The following FBN2 variants were observed in gnomAD, a reference collection of about 807,000 sequenced individuals.
The protein encoded by FBN2 is fibrillin-2.
Under a neutral mutation model 355.6 loss-of-function variants are expected in FBN2, and 105 were observed. That is an observed-to-expected ratio of 0.30 (90% confidence interval 0.25 to 0.35). FBN2 has a LOEUF of 0.35. Among genes scored for constraint, FBN2 ranks in the 10% least tolerant of loss-of-function variants. FBN2 has a pLI of 1.00. For missense variants in FBN2, 3,280 were observed against 3,758.7 expected, an observed-to-expected ratio of 0.87 and a Z score of 3.33; for synonymous variants, 1,350 against 1,301.2, an observed-to-expected ratio of 1.04 and a Z score of -0.81.
At chr5:128,276,988 A>G (rs1339774844) in intron 58 of FBN2, among the ~76,000 whole-genome samples, 1 of 152,128 alleles carries the variant, frequency 6.6e-6, no homozygotes, top group Non-Finnish European at 1.5e-5. Context: ...GATAGCAGAC[A>G]ATCTCCATTT....
chr5:128,277,962 A>T lies in FBN2; in HGVS notation c.7389T>A (p.Gly2463=), dbSNP rs749843181. Residue 2463 remains glycine, a synonymous_variant, in exon 58 of 65, where the codon GGT becomes GGA. Transcript: ENST00000262464. ...ATGAGCCCATGGTATTGATGCACTG[A>T]CCATTGGTGCAGAGGTTTGGCATTA... The part of the protein sequence containing the change: ...CKVMPNLCTN[G]QCINTMGSFR... The T allele has an allele frequency of 2.5e-6, 4 of 1,613,806 alleles. No homozygotes were observed. The African/African-American group carries it at 5.3e-5, about 22-fold the overall frequency.
chr5:128,490,642 A>G (rs746255821), intron 5 of FBN2, among the ~76,000 whole-genome samples: 3 of 152,216 alleles, frequency 2.0e-5, no homozygotes, highest in Non-Finnish European at 4.4e-5. Flanking sequence ...AATTCTATCC[A>G]TTTACCTCCA....
chr5:128,318,986 G>A lies in FBN2; in HGVS notation c.4487C>T (p.Ser1496Phe). Residue 1496 changes from serine to phenylalanine, a missense_variant, in exon 35 of 65, where the codon TCC (serine) becomes TTC (phenylalanine). Around this residue, in one of 6 missense-constraint regions of FBN2, gnomAD observed 2,284 missense variants for 2,749.5 expected, o/e 0.83. Transcript: ENST00000262464. Reference sequence around the variant, plus strand: ...TCCAAAGACACAAATGTTTTGGAAGGAGCATTCATCAATATCTGAAGATTT... The same window carrying A: ...TCCAAAGACACAAATGTTTTGGAAGAAGCATTCATCAATATCTGAAGATTT... ...SRSCQDIDEC[S>F]FQNICVFGTC... 1.2e-6 allele frequency: 2 copies of A among 1,608,564 alleles called. No homozygotes were observed. Among genetic ancestry groups the A allele is most frequent in the Non-Finnish European group, 8.5e-7 (1 of 1,175,162 alleles).
chr5:128,442,331 C>A (rs576412812), intron 7 of FBN2: 1 of 456,520 alleles, frequency 2.2e-6, no homozygotes, highest in Non-Finnish European at 4.4e-6. Flanking sequence ...GGGAGGATCA[C>A]GCAAGGACAT....
At chr5:128,342,875 T>C (rs974327045) in intron 25 of FBN2, among the ~76,000 whole-genome samples, 3 of 151,956 alleles carry the variant, frequency 2.0e-5, no homozygotes, top group Non-Finnish European at 4.4e-5. Context: ...ATTACAGGCA[T>C]GTACCACCAT....
At chr5:128,431,899 G>A (rs572245984) in intron 7 of FBN2, among the ~76,000 whole-genome samples, 45 of 152,250 alleles carry the variant, frequency 3.0e-4, no homozygotes, top group Non-Finnish European at 4.6e-4. Context: ...AGAATGGCAC[G>A]CATTAAAACA....
chr5:128,377,322 G>A (rs1459142279), intron 13 of FBN2, among the ~76,000 whole-genome samples: 2 of 152,068 alleles, frequency 1.3e-5, no homozygotes, highest in Non-Finnish European at 2.9e-5. Flanking sequence ...TTAGAGATTT[G>A]TGTACTGCAT....
At chr5:128,391,027 T>A in intron 11 of FBN2, among the ~76,000 whole-genome samples, 1 of 152,182 alleles carries the variant, frequency 6.6e-6, no homozygotes, top group Non-Finnish European at 1.5e-5. Flanking sequence ...ATACAGTGCA[T>A]CAATATATTT....
At chr5:128,486,127 GT>G (rs1360595997) in intron 5 of FBN2, among the ~76,000 whole-genome samples, 2 of 151,844 alleles carry the variant, frequency 1.3e-5, no homozygotes, top group Admixed American at 6.6e-5. Context: ...CTGCCCTATA[GT>G]TTTTTACCCT....
At position 128,393,206 on chromosome 5, in the gene FBN2, T is replaced by C. The variant is rs1416372380; in HGVS notation, c.1394A>G (p.Asn465Ser). 14 of 1,614,036 alleles carry C rather than the reference T, an allele frequency of 8.7e-6. No homozygotes were observed. The highest frequency in any genetic ancestry group is 1.2e-5 in the Non-Finnish European group (14 of 1,180,022). ...GTGFIPIPGGNGFSPGVGGAG... is the reference protein window; with the variant it reads ...GTGFIPIPGGSGFSPGVGGAG... Reference sequence around the variant, plus strand: ...TCCCCCAACGCCAGGAGAAAAGCCATTGCCTCCAGGGATGGGGATGAAGCC... The same window carrying C: ...TCCCCCAACGCCAGGAGAAAAGCCACTGCCTCCAGGGATGGGGATGAAGCC... Residue 465 changes from asparagine to serine, a missense_variant, in exon 10 of 65, where the codon AAT becomes AGT. By Grantham distance (46) the Asn-to-Ser change is conservative. Transcript: ENST00000262464.
At chr5:128,506,115 A>G (rs1755951987) in intron 5 of FBN2, among the ~76,000 whole-genome samples, 1 of 152,188 alleles carries the variant, frequency 6.6e-6, no homozygotes, top group Non-Finnish European at 1.5e-5. Flanking sequence ...ATGACATCTC[A>G]TTGTGATTTT....
At chr5:128,408,241 G>C (rs1308959083) in intron 8 of FBN2, among the ~76,000 whole-genome samples, 2 of 152,106 alleles carry the variant, frequency 1.3e-5, no homozygotes, top group Admixed American at 1.3e-4. Flanking sequence ...GCATACAATG[G>C]TTTTAATTTG....
chr5:128,328,555 C>T (rs1444966822), intron 34 of FBN2, 141 bp downstream of exon 34: 10 of 899,456 alleles, frequency 1.1e-5, no homozygotes, highest in Admixed American at 2.0e-5. Flanking sequence ...GCAAAATAAT[C>T]CACGCTTAAA....
chr5:128,512,983 G>A (rs1321680757), intron 5 of FBN2, among the ~76,000 whole-genome samples: 1 of 152,054 alleles, frequency 6.6e-6, no homozygotes, highest in African/African-American at 2.4e-5. Context: ...CATCAGATAG[G>A]GCAATCACAT....
In FBN2 at chr5:128,311,288, A is replaced by G. The variant is rs755198978; in HGVS notation, c.5074+12T>C. 9.3e-6 allele frequency: 15 copies of G among 1,614,022 alleles called. No homozygotes were observed. In the South Asian group the frequency reaches 1.6e-4, roughly 18 times the overall value. Reference sequence around the variant, plus strand: ...ACAGCACTGAGCATTTTAGGCATCAAATTCATCTCACCTTCACAGATGCGG... The same window carrying G: ...ACAGCACTGAGCATTTTAGGCATCAGATTCATCTCACCTTCACAGATGCGG... On this transcript the variant is annotated intron_variant, in intron 39 of 64. Coordinates refer to ENST00000262464, the MANE Select transcript of FBN2 (RefSeq NM_001999.4).
intron 13 of FBN2, among the ~76,000 whole-genome samples, chr5:128,377,267 G>T (rs1046901828): frequency 6.6e-6 from 1 of 152,060 alleles, no homozygotes; most frequent in Non-Finnish European, 1.5e-5. Flanking sequence ...TATTTCTGTG[G>T]TGTGTTGGTA....
At chr5:128,515,037 G>T (rs1382566780) in intron 5 of FBN2, among the ~76,000 whole-genome samples, 1 of 152,088 alleles carries the variant, frequency 6.6e-6, no homozygotes, top group African/African-American at 2.4e-5. Context: ...CAGTCACCCT[G>T]AATACTTTAT....
chr5:128,349,110 G>T (rs1751273665), intron 23 of FBN2, among the ~76,000 whole-genome samples: 1 of 152,186 alleles, frequency 6.6e-6, no homozygotes. Flanking sequence ...TCTGGTTAAA[G>T]AAATGGAAGA....
rs1206796967 is a variant in FBN2, at chr5:128,286,750, A to G, written c.6980T>C (p.Met2327Thr). The G allele has an allele frequency of 6.2e-7, 1 of 1,614,190 alleles. No individual in the cohort carries two copies. The highest frequency in any genetic ancestry group is 8.5e-7 in the Non-Finnish European group (1 of 1,180,002). ...GTFMCICPPG[M>T]ARRPDGEGCV... The stretch of plus-strand genomic sequence containing the variant: ...GCCTTCTCCATCGGGCCTTCGGGCC[A>G]TTCCAGGAGGGCAGATGCACATGAA... The change falls in exon 55 of 65, where the codon ATG (methionine) becomes ACG (threonine). Residue 2327 changes from methionine to threonine, a missense_variant. Physicochemically the swap from Met to Thr is moderately conservative, Grantham distance 81. Transcript: ENST00000262464.
Sources: gnomAD v4.1 joint callset for allele counts (sites outside exome capture counted in the v4.1 genomes callset) on GRCh38, gnomAD v4.1.1 for gene constraint, gnomAD v4.1.1 regional missense constraint, MANE v1.5 for transcripts, NCBI Gene and HGNC (gene_info 2026-07-23, HGNC 2026-07-21) for gene names.